Variants in GRIK2 observed in about 807,000 individuals in gnomAD.
GRIK2 encodes glutamate receptor ionotropic, kainate 2.
In GRIK2, 32 loss-of-function variants were observed where a neutral mutation model predicts 100.3. The observed-to-expected ratio is 0.32, with a 90% confidence interval of 0.24 to 0.43. The LOEUF (loss-of-function observed/expected upper bound fraction) is 0.43. Ranked by LOEUF, GRIK2 falls within the 20% of genes least tolerant of loss-of-function variation. The pLI is 1.00. For missense variants in GRIK2, 843 were observed against 1,114.9 expected (o/e 0.76, Z 3.47); for synonymous variants, 417 against 389.4 (o/e 1.07, Z -0.83).
intron 2 of GRIK2, among the ~76,000 whole-genome samples, chr6:101,592,588 CATATATAT>C (rs3056161): frequency 0.22 from 22,462 of 101,872 alleles, 2,777 homozygotes; most frequent in East Asian, 0.44. Flanking sequence ...ACTAATATCA[CATATATAT>C]ATATATATAT....
intron 14 of GRIK2, among the ~76,000 whole-genome samples, chr6:101,951,207 T>C (rs114085511): frequency 1.0e-3 from 159 of 152,342 alleles, no homozygotes; most frequent in African/African-American, 3.6e-3. Flanking sequence ...TGTGAAAGTA[T>C]CATCTAAACT....
rs1773394361 is a variant in GRIK2, at chr6:101,495,478, C to CAAGA, written c.115+96086_115+96087insAAGA. Among the ~76,000 whole-genome samples the CAAGA allele has an allele frequency of 2.6e-5, 4 of 151,912 alleles. No homozygotes were observed. The South Asian group carries it at 8.3e-4, about 32-fold the overall frequency. The stretch of plus-strand genomic sequence containing the variant: ...CCAAGATCTTGCCACTGCACTCTAG[C>CAAGA]CTGGGAGATAGAGCAAGACTCCGTC... On this transcript the variant is annotated intron_variant, in intron 2 of 16. Transcript: ENST00000369134.
At chr6:101,550,849 C>T (rs953788885) in intron 2 of GRIK2, among the ~76,000 whole-genome samples, 11 of 152,166 alleles carry the variant, frequency 7.2e-5, no homozygotes, top group Non-Finnish European at 1.2e-4. Flanking sequence ...GTTGAGTAAC[C>T]TTGAGTATGC....
intron 11 of GRIK2, among the ~76,000 whole-genome samples, chr6:101,876,754 A>G (rs1785879099): frequency 6.6e-6 from 1 of 151,936 alleles, no homozygotes; most frequent in Non-Finnish European, 1.5e-5. Context: ...AGCCTTAGTA[A>G]CAAAACACCC....
chr6:101,964,781 G>T (rs1250606245), intron 14 of GRIK2, among the ~76,000 whole-genome samples: 1 of 152,104 alleles, frequency 6.6e-6, no homozygotes, highest in Non-Finnish European at 1.5e-5. Flanking sequence ...CAAGCTCAAA[G>T]ACTTTTTACT....
chr6:101,913,722 C>T (rs1788908877), intron 12 of GRIK2, among the ~76,000 whole-genome samples: 1 of 151,308 alleles, frequency 6.6e-6, no homozygotes, highest in African/African-American at 2.4e-5. Flanking sequence ...AATAAAGGAA[C>T]ATTTTTCCTG....
In GRIK2 at chr6:101,686,243, A is replaced by G; in HGVS notation, c.841A>G (p.Ile281Val). The G allele has an allele frequency of 6.2e-7, 1 of 1,612,886 alleles. No homozygotes were observed. The highest frequency in any genetic ancestry group is 8.5e-7 in the Non-Finnish European group (1 of 1,178,980). The part of the protein sequence containing the change: ...YSGVNMTGFR[I>V]LNTENTQVSS... ...TGGTGTTAACATGACAGGGTTCAGA[A>G]TATTAAATACAGAAAATACCCAAGT... Residue 281 changes from isoleucine (I) to valine (V), a missense_variant, in exon 7 of 17, where the codon ATA becomes GTA. By Grantham distance (29) the Ile-to-Val change is conservative. Around this residue, in one of 3 missense-constraint regions of GRIK2, gnomAD observed 519 missense variants for 643.8 expected, o/e 0.81. Transcript: ENST00000369134.
intron 14 of GRIK2, among the ~76,000 whole-genome samples, chr6:102,015,783 G>A (rs920077662): frequency 1.2e-4 from 19 of 152,238 alleles, no homozygotes; most frequent in African/African-American, 2.6e-4. Flanking sequence ...GCACTTCACC[G>A]CCTCCAGCAC....
At chr6:101,744,225 A>G (rs1434140647) in intron 7 of GRIK2, among the ~76,000 whole-genome samples, 1 of 151,812 alleles carries the variant, frequency 6.6e-6, no homozygotes, top group South Asian at 2.1e-4. Flanking sequence ...TACAGACATG[A>G]GCCGTCGTGC....
At chr6:101,563,047 C>T (rs1269554512) in intron 2 of GRIK2, among the ~76,000 whole-genome samples, 1 of 152,192 alleles carries the variant, frequency 6.6e-6, no homozygotes, top group Non-Finnish European at 1.5e-5. Flanking sequence ...AGGGCAGCTG[C>T]TCCTACCAGC....
chr6:101,530,179 T>C (rs2128284414), intron 2 of GRIK2, among the ~76,000 whole-genome samples: 2 of 152,030 alleles, frequency 1.3e-5, no homozygotes, highest in South Asian at 2.1e-4. Context: ...TGCTGGTGCA[T>C]TAAAGAGAGC....
intron 12 of GRIK2, among the ~76,000 whole-genome samples, chr6:101,900,696 G>C (rs1210079787): frequency 1.3e-5 from 2 of 151,928 alleles, no homozygotes; most frequent in Admixed American, 1.3e-4. Flanking sequence ...CTTTGTGAAA[G>C]ATGTTATAAA....
At chr6:101,696,375 T>A (rs1203591616) in intron 7 of GRIK2, among the ~76,000 whole-genome samples, 1 of 151,936 alleles carries the variant, frequency 6.6e-6, no homozygotes, top group Non-Finnish European at 1.5e-5. Flanking sequence ...TATTTCCATT[T>A]CTTTTGTTTT....
intron 12 of GRIK2, among the ~76,000 whole-genome samples, chr6:101,912,085 CAA>C (rs558134885): frequency 0.14 from 11,550 of 84,104 alleles, 581 homozygotes; most frequent in East Asian, 0.38. Flanking sequence ...CACACAGACA[CAA>C]ACACACACAC....
At chr6:101,394,406 C>G (rs571873547) in intron 1 of GRIK2, among the ~76,000 whole-genome samples, 2 of 152,322 alleles carry the variant, frequency 1.3e-5, no homozygotes, top group African/African-American at 4.8e-5. Flanking sequence ...GAACTTTTAA[C>G]GAACCACATC....
intron 4 of GRIK2, among the ~76,000 whole-genome samples, chr6:101,652,744 A>T (rs1338085404): frequency 6.6e-6 from 1 of 152,146 alleles, no homozygotes; most frequent in Non-Finnish European, 1.5e-5. Flanking sequence ...AATACAAAGG[A>T]AATGTTATTT....
chr6:102,008,745 A>G (rs1298865779), intron 14 of GRIK2, among the ~76,000 whole-genome samples: 1 of 152,152 alleles, frequency 6.6e-6, no homozygotes, highest in African/African-American at 2.4e-5. Context: ...CTAGTGAATC[A>G]TAGTGACTCT....
intron 16 of GRIK2, among the ~76,000 whole-genome samples, chr6:102,058,383 T>G (rs981165699): frequency 6.6e-6 from 1 of 151,822 alleles, no homozygotes; most frequent in Non-Finnish European, 1.5e-5. Context: ...CCTATCTACC[T>G]ATCATTTAAA....
intron 11 of GRIK2, among the ~76,000 whole-genome samples, chr6:101,882,638 A>T (rs997712035): frequency 6.6e-6 from 1 of 151,956 alleles, no homozygotes; most frequent in Admixed American, 6.6e-5. Flanking sequence ...TCAATTGCCC[A>T]CTTTACTTTC....
Sources: allele counts gnomAD v4.1 joint callset (sites outside exome capture counted in the v4.1 genomes callset), GRCh38; gene constraint gnomAD v4.1.1; regional missense constraint gnomAD v4.1.1; transcripts MANE v1.5; gene names NCBI Gene and HGNC (gene_info 2026-07-23, HGNC 2026-07-21).